Variants in FSTL5 observed in about 807,000 individuals in gnomAD.
FSTL5 encodes follistatin-related protein 5.
FSTL5 carries 62 observed loss-of-function variants against 89.1 expected under a neutral mutation model. The ratio of observed to expected loss-of-function variants is 0.70; its 90% confidence interval spans 0.57 to 0.86. The LOEUF (loss-of-function observed/expected upper bound fraction) is 0.86. FSTL5 is among the 40% of genes least tolerant of loss of function. The pLI is 0.00. For missense variants in FSTL5, 1,057 were observed against 1,001.6 expected, an observed-to-expected ratio of 1.06 and a Z score of -0.75; for synonymous variants, 383 against 346.2, an observed-to-expected ratio of 1.11 and a Z score of -1.18.
At chr4:161,732,280 AT>A (rs1297950918) in intron 6 of FSTL5, among the ~76,000 whole-genome samples, 2 of 152,076 alleles carry the variant, frequency 1.3e-5, no homozygotes, top group African/African-American at 4.8e-5. Flanking sequence ...TCATATGCAC[AT>A]TTTTTATGAA....
At chr4:161,555,755 A>G (rs565177773) in intron 8 of FSTL5, among the ~76,000 whole-genome samples, 7 of 151,774 alleles carry the variant, frequency 4.6e-5, no homozygotes, top group African/African-American at 7.2e-5. Flanking sequence ...GCTAGGCATG[A>G]GTCAGCAAGC....
chr4:161,983,267 T>C (rs1735875470), intron 3 of FSTL5, among the ~76,000 whole-genome samples: 1 of 152,144 alleles, frequency 6.6e-6, no homozygotes, highest in African/African-American at 2.4e-5. Context: ...CTTTCCGTCT[T>C]TTATGACTTC....
chr4:162,132,156 T>A (rs569199685), intron 1 of FSTL5, among the ~76,000 whole-genome samples: 1 of 152,320 alleles, frequency 6.6e-6, no homozygotes, highest in African/African-American at 2.4e-5. Context: ...CATTAAGAAA[T>A]AAACAGTGTG....
At chr4:161,878,782 G>C (rs1273336013) in intron 4 of FSTL5, among the ~76,000 whole-genome samples, 1 of 152,022 alleles carries the variant, frequency 6.6e-6, no homozygotes, top group East Asian at 1.9e-4. Context: ...CATTTCTATG[G>C]TTATTATATT....
At chr4:162,073,458 C>T (rs1288429505) in intron 2 of FSTL5, among the ~76,000 whole-genome samples, 2 of 151,602 alleles carry the variant, frequency 1.3e-5, no homozygotes, top group Non-Finnish European at 1.5e-5. Flanking sequence ...AAACAGATAT[C>T]ATAAAATATC....
At chr4:161,480,984 A>G (rs1729482383) in intron 13 of FSTL5, 36 bp downstream of exon 13, 5 of 1,437,084 alleles carry the variant, frequency 3.5e-6, no homozygotes, top group African/African-American at 1.4e-5. Flanking sequence ...ATATTTTTTA[A>G]AGATTTACTT....
Position 161,563,480 on chromosome 4 carries a change from A to G in FSTL5, c.1016-20787T>C, listed in dbSNP as rs115800967. 3.4e-3 allele frequency among the ~76,000 whole-genome samples: 510 copies of G among 152,058 alleles called. 6 individuals are homozygous for G. The highest frequency in any genetic ancestry group is 0.012 in the African/African-American group (478 of 41,522). On this transcript the variant is annotated intron_variant, in intron 8 of 15. Transcript: ENST00000306100. ...GTTATTTTCCTGGGCTTTGTTTGAT[A>G]GTGGTCATTGTACTTCAAAGTTGGC...
intron 7 of FSTL5, among the ~76,000 whole-genome samples, chr4:161,634,496 C>T (rs1735620483): frequency 6.6e-6 from 1 of 152,030 alleles, no homozygotes; most frequent in East Asian, 1.9e-4. Flanking sequence ...AACAAAATAT[C>T]CATCAACTGA....
intron 3 of FSTL5, among the ~76,000 whole-genome samples, chr4:161,948,658 G>T (rs1176712163): frequency 6.6e-6 from 1 of 151,720 alleles, no homozygotes; most frequent in African/African-American, 2.4e-5. Context: ...ATGTTGTCCA[G>T]GCTGGTTTTG....
chr4:161,529,428 A>C (rs1731337337), intron 10 of FSTL5, among the ~76,000 whole-genome samples: 1 of 142,782 alleles, frequency 7.0e-6, no homozygotes, highest in African/African-American at 2.5e-5. Flanking sequence ...TATTATAAAT[A>C]ATGAAAGTTT....
chr4:161,808,420 A>G (rs1248449011), intron 4 of FSTL5, among the ~76,000 whole-genome samples: 5 of 152,162 alleles, frequency 3.3e-5, no homozygotes, highest in African/African-American at 1.2e-4. Context: ...CAAATGCCAA[A>G]ACAGGAAAAT....
At chr4:162,156,293 G>A (rs1035562696) in intron 1 of FSTL5, among the ~76,000 whole-genome samples, 3 of 152,128 alleles carry the variant, frequency 2.0e-5, no homozygotes, top group African/African-American at 7.2e-5. Context: ...TGCTATTGGT[G>A]GGAATATAGA....
intron 13 of FSTL5, among the ~76,000 whole-genome samples, chr4:161,466,577 A>G (rs1733755130): frequency 6.6e-6 from 1 of 152,130 alleles, no homozygotes; most frequent in African/African-American, 2.4e-5. Flanking sequence ...GGGGTGTTAC[A>G]ATAAGCCCCT....
intron 4 of FSTL5, among the ~76,000 whole-genome samples, chr4:161,802,082 G>T (rs1729815593): frequency 6.6e-6 from 1 of 151,620 alleles, no homozygotes; most frequent in Admixed American, 6.6e-5. Flanking sequence ...TTCATGAAAA[G>T]AAGCCTATTT....
At chr4:161,854,794 T>C (rs1454471175) in intron 4 of FSTL5, among the ~76,000 whole-genome samples, 3 of 152,106 alleles carry the variant, frequency 2.0e-5, no homozygotes, top group African/African-American at 7.2e-5. Flanking sequence ...ATTTTATATA[T>C]ATATACCTTT....
intron 1 of FSTL5, among the ~76,000 whole-genome samples, chr4:162,116,786 A>AG (rs1375900980): frequency 1.6e-4 from 25 of 152,160 alleles, no homozygotes; most frequent in Admixed American, 5.9e-4. Context: ...ATGGCCTCCT[A>AG]GCCTTACTTA....
chr4:161,612,361 T>C (rs1028904783), intron 7 of FSTL5, among the ~76,000 whole-genome samples: 2 of 152,192 alleles, frequency 1.3e-5, no homozygotes, highest in African/African-American at 4.8e-5. Context: ...AAAGTATCCA[T>C]TGTTGTGTTG....
intron 5 of FSTL5, among the ~76,000 whole-genome samples, chr4:161,763,863 G>A (rs527399541): frequency 1.0e-3 from 154 of 152,202 alleles, no homozygotes; most frequent in Non-Finnish European, 1.5e-3. Context: ...GTACATTTCC[G>A]GGTATTAGAT....
At chr4:162,004,805 A>G (rs942440453) in intron 3 of FSTL5, among the ~76,000 whole-genome samples, 2 of 152,142 alleles carry the variant, frequency 1.3e-5, no homozygotes, top group African/African-American at 4.8e-5. Context: ...AATGATCACT[A>G]TGTAACTAAC....
Sources: gnomAD v4.1 joint callset for allele counts (sites outside exome capture counted in the v4.1 genomes callset) on GRCh38, gnomAD v4.1.1 for gene constraint, MANE v1.5 for transcripts, NCBI Gene and HGNC (gene_info 2026-07-23, HGNC 2026-07-21) for gene names.